Variants in CDS1 observed in about 807,000 individuals in gnomAD.
The protein encoded by CDS1 is phosphatidate cytidylyltransferase 1.
In CDS1, 41 loss-of-function variants were observed where a neutral mutation model predicts 62.1. That is an observed-to-expected ratio of 0.66 (90% CI 0.51 to 0.86). CDS1 has a LOEUF of 0.86. CDS1 is among the 40% of genes least tolerant of loss of function. CDS1 has a pLI of 0.00. For missense variants in CDS1, 470 were observed against 550.1 expected (o/e 0.85, Z 1.46); for synonymous variants, 185 against 192.6 (o/e 0.96, Z 0.32).
rs1307588302 is a variant in CDS1 at position 84,650,345 on chromosome 4, A to C, written c.*1659A>C. The C allele has an allele frequency of 6.6e-6, 1 of 152,132 alleles. No individual in the cohort carries two copies. The highest frequency in any genetic ancestry group is 1.5e-5 in the Non-Finnish European group (1 of 68,014). 9.4% of individuals were successfully genotyped at this position (152,132 alleles called of 1,614,324 possible). On this transcript the variant is annotated 3_prime_UTR_variant, in exon 13 of 13. Transcript: ENST00000295887. ...TCTCACACTATCCATACAAATCTAA[A>C]ATTGATACTGGAAATGTTATTATAG...
intron 3 of CDS1, among the ~76,000 whole-genome samples, chr4:84,615,811 T>C (rs983654614): frequency 1.3e-5 from 2 of 152,190 alleles, no homozygotes; most frequent in African/African-American, 2.4e-5. Flanking sequence ...TGAGTGTACA[T>C]TGCTACCAGT....
At chr4:84,641,077 T>A in intron 10 of CDS1, 87 bp downstream of exon 10, 1 of 850,400 alleles carries the variant, frequency 1.2e-6, no homozygotes, top group Non-Finnish European at 1.6e-6. Context: ...TTTATTTAAT[T>A]AATTTATTGT....
At chr4:84,596,076 A>G (rs867381076) in intron 1 of CDS1, among the ~76,000 whole-genome samples, 2 of 152,290 alleles carry the variant, frequency 1.3e-5, no homozygotes, top group Non-Finnish European at 1.5e-5. Flanking sequence ...CCATTTGGGG[A>G]TAGAGAGATG....
chr4:84,641,660 C>G (rs1335062507), intron 10 of CDS1, among the ~76,000 whole-genome samples: 1 of 152,136 alleles, frequency 6.6e-6, no homozygotes, highest in Non-Finnish European at 1.5e-5. Flanking sequence ...GTTTTCCTTC[C>G]AAATACAGTG....
In CDS1 at chr4:84,638,985, G is replaced by A. The variant is rs150621905; in HGVS notation, c.872G>A (p.Gly291Glu). The change falls in exon 9 of 13, where the codon GGA becomes GAA. Residue 291 changes from glycine to glutamate, a missense_variant. Coordinates refer to ENST00000295887, the MANE Select transcript of CDS1 (RefSeq NM_001263.4). Reference sequence around the variant, plus strand: ...GGTTTCTTTTCCACAGTTGTGTTTGGATTCATTGTGAGTATTACTAAGATT... The same window carrying A: ...GGTTTCTTTTCCACAGTTGTGTTTGAATTCATTGTGAGTATTACTAAGATT... The part of the protein sequence containing the change: ...IGGFFSTVVF[G>E]FIAAYVLSKY... The A allele has an allele frequency of 2.0e-6, 3 of 1,538,406 alleles. No individual in the cohort carries two copies. Among genetic ancestry groups the A allele is most frequent in the Non-Finnish European group, 2.7e-6 (3 of 1,130,880 alleles).
At chr4:84,645,468 A>G in intron 12 of CDS1, 143 bp downstream of exon 12, 1 of 606,532 alleles carries the variant, frequency 1.6e-6, no homozygotes, top group Non-Finnish European at 2.9e-6. Context: ...TAGAGTCTTG[A>G]GCAAGATGGT....
rs201623642 is a variant in CDS1, at chr4:84,635,362, A to C, written c.810+11A>C. 1.2e-5 allele frequency: 16 copies of C among 1,293,882 alleles called. No individual in the cohort carries two copies. In the Admixed American group the frequency reaches 1.8e-4, roughly 14 times the overall value. The allele number at this position is 1,293,882 out of a possible 1,614,324, so 80.2% of individuals were successfully genotyped here. On this transcript the variant is annotated intron_variant, in intron 8 of 12. Transcript: ENST00000295887. ...ACTCCATTAATTAAGGTAATGGAAA[A>C]ATTTTATAAGCAAGCCACTATGTAA...
intron 10 of CDS1, 127 bp downstream of exon 10, chr4:84,641,117 C>A (rs1724370949): frequency 3.3e-6 from 2 of 603,596 alleles, no homozygotes; most frequent in Admixed American, 4.4e-5. Context: ...CCTCTGTTGC[C>A]CAGGCTGGAG....
At chr4:84,596,711 G>C (rs181072254) in intron 1 of CDS1, among the ~76,000 whole-genome samples, 99 of 152,284 alleles carry the variant, frequency 6.5e-4, no homozygotes, top group Middle Eastern at 3.4e-3. Flanking sequence ...ATATCTTGGT[G>C]GGGGGAGTGG....
chr4:84,647,543 CT>C (rs1224541991), intron 12 of CDS1, among the ~76,000 whole-genome samples: 1 of 152,122 alleles, frequency 6.6e-6, no homozygotes, highest in African/African-American at 2.4e-5. Context: ...AGCAGCCTTC[CT>C]TTTCTCTGTT....
At chr4:84,643,352 T>C (rs746562604) in intron 11 of CDS1, among the ~76,000 whole-genome samples, 4 of 152,220 alleles carry the variant, frequency 2.6e-5, no homozygotes, top group Non-Finnish European at 5.9e-5. Flanking sequence ...ACATTTTAAG[T>C]GTCATGTCAG....
chr4:84,640,570 T>C (rs1724347594), intron 9 of CDS1, among the ~76,000 whole-genome samples: 1 of 152,172 alleles, frequency 6.6e-6, no homozygotes, highest in African/African-American at 2.4e-5. Flanking sequence ...TTCTTTATTC[T>C]CCTGTACCGT....
intron 10 of CDS1, 118 bp downstream of exon 10, chr4:84,641,108 C>A: frequency 1.5e-6 from 1 of 649,120 alleles, no homozygotes; most frequent in Non-Finnish European, 2.2e-6. Flanking sequence ...CAGAGTTTCC[C>A]TCTGTTGCCC....
chr4:84,642,870 T>C (rs1724432875), intron 10 of CDS1, among the ~76,000 whole-genome samples, 154 bp from the exon 11 acceptor site: 1 of 152,158 alleles, frequency 6.6e-6, no homozygotes, highest in Non-Finnish European at 1.5e-5. Flanking sequence ...TTAAATAGAC[T>C]TTTCTTCCTT....
chr4:84,602,602 A>G (rs1722970521), intron 1 of CDS1, among the ~76,000 whole-genome samples: 1 of 152,118 alleles, frequency 6.6e-6, no homozygotes, highest in Non-Finnish European at 1.5e-5. Context: ...ACTGCCCTAG[A>G]GAACCACTTC....
chr4:84,609,473 T>A lies in CDS1; in HGVS notation c.290T>A (p.Ile97Asn). 6.2e-7 allele frequency: 1 copy of A among 1,612,118 alleles called. No individual in the cohort carries two copies. Among genetic ancestry groups the A allele is most frequent in the South Asian group, 1.1e-5 (1 of 90,958 alleles). The change falls in exon 3 of 13, where the codon ATC (isoleucine) becomes AAC (asparagine). Residue 97 changes from isoleucine to asparagine, a missense_variant. This residue lies in a region of CDS1 where 150 missense variants were observed against 142.0 expected (regional missense o/e 1.06). Transcript: ENST00000295887. Reference sequence around the variant, plus strand: ...CGTGGAATTCTCACTCTAACTATGATCTCGTTGTTTTTCCTGATCATCTAT... The same window carrying A: ...CGTGGAATTCTCACTCTAACTATGAACTCGTTGTTTTTCCTGATCATCTAT... ...WIRGILTLTM[I>N]SLFFLIIYMG...
chr4:84,606,151 A>T (rs1271161776), intron 2 of CDS1, among the ~76,000 whole-genome samples: 1 of 152,094 alleles, frequency 6.6e-6, no homozygotes, highest in Non-Finnish European at 1.5e-5. Flanking sequence ...ACTGTCTTGC[A>T]AAGACTTAGA....
chr4:84,586,696 A>T (rs941466568), intron 1 of CDS1, among the ~76,000 whole-genome samples: 1 of 152,204 alleles, frequency 6.6e-6, no homozygotes. Flanking sequence ...CCCCTGGCTT[A>T]GAGGACATCA....
chr4:84,586,391 C>T (rs1203322808), intron 1 of CDS1, among the ~76,000 whole-genome samples: 1 of 152,148 alleles, frequency 6.6e-6, no homozygotes. Context: ...TATACAGTCC[C>T]ACCTGGGGGT....
Sources: gnomAD v4.1 joint callset for allele counts (sites outside exome capture counted in the v4.1 genomes callset) on GRCh38, gnomAD v4.1.1 for gene constraint, gnomAD v4.1.1 regional missense constraint, MANE v1.5 for transcripts, NCBI Gene and HGNC (gene_info 2026-07-23, HGNC 2026-07-21) for gene names.